The following HADH variants were observed in gnomAD, a reference collection of about 807,000 sequenced individuals.
HADH encodes the protein hydroxyacyl-coenzyme A dehydrogenase, mitochondrial.
In HADH, 24 loss-of-function variants were observed where a neutral mutation model predicts 32.2. The observed-to-expected ratio is 0.75, with a 90% CI of 0.54 to 1.05. The LOEUF is 1.05. HADH is among the 50% of genes least tolerant of loss of function. HADH has a pLI of 0.00. For missense variants in HADH, 350 were observed against 397.1 expected (o/e 0.88, Z 1.01); for synonymous variants, 139 against 152.5 (o/e 0.91, Z 0.65).
chr4:108,019,699 G>T (rs780093229), intron 4 of HADH, 33 bp downstream of exon 4: 12 of 1,612,470 alleles, frequency 7.4e-6, no homozygotes, highest in Admixed American at 5.0e-5. Context: ...GTGTCTGCCC[G>T]CTCTGCCAGC....
At chr4:108,007,851 TG>T (rs1170750085) in intron 1 of HADH, among the ~76,000 whole-genome samples, 1 of 152,216 alleles carries the variant, frequency 6.6e-6, no homozygotes, top group Non-Finnish European at 1.5e-5. Context: ...GGTTGGGCAC[TG>T]GGGTTTGTAA....
At position 107,996,261 on chromosome 4, in the gene HADH, C is replaced by T. The variant is rs1734955913; in HGVS notation, c.132+6197C>T. ...ACCCACTCATCATGGCAAACATTGT[C>T]ATATTAGTCTTCCTGGAGAGGCATT... On this transcript the variant is annotated intron_variant, in intron 1 of 7. Coordinates refer to ENST00000309522, the MANE Select transcript of HADH (RefSeq NM_005327.7). 2.6e-5 allele frequency among the ~76,000 whole-genome samples: 4 copies of T among 152,180 alleles called. No individual in the cohort carries two copies. In the South Asian group the frequency reaches 8.3e-4, roughly 31 times the overall value.
At chr4:108,020,201 G>A (rs74913271) in intron 4 of HADH, among the ~76,000 whole-genome samples, 2,978 of 152,256 alleles carry the variant, frequency 0.02, 101 homozygotes, top group African/African-American at 0.066. Flanking sequence ...TGGGTGCGGC[G>A]GCTCATGCCT....
At chr4:108,011,150 T>C (rs1224953196) in intron 2 of HADH, among the ~76,000 whole-genome samples, 1 of 152,210 alleles carries the variant, frequency 6.6e-6, no homozygotes, top group Non-Finnish European at 1.5e-5. Context: ...CCCGGCCAAC[T>C]TCATTCCTTT....
chr4:108,025,090 T>G (rs1736015982), intron 5 of HADH: 1 of 152,236 alleles, frequency 6.6e-6, no homozygotes, highest in Non-Finnish European at 1.5e-5. Context: ...CAGTCTCTGT[T>G]GCAAGTAGTC....
intron 6 of HADH, chr4:108,032,205 C>T (rs1391403763): frequency 3.3e-6 from 2 of 600,000 alleles, no homozygotes; most frequent in African/African-American, 3.6e-5. Flanking sequence ...GCAGACTATT[C>T]TACTTTTCTG....
intron 3 of HADH, among the ~76,000 whole-genome samples, chr4:108,018,188 G>A (rs1297684684): frequency 3.3e-5 from 5 of 152,136 alleles, no homozygotes; most frequent in African/African-American, 7.2e-5. Context: ...TAACGGGAGT[G>A]TGGAGCCACA....
chr4:107,999,802 A>T lies in HADH; in HGVS notation c.132+9738A>T, dbSNP rs566491729. Among the ~76,000 whole-genome samples, 5 of 152,324 alleles carry T rather than the reference A, an allele frequency of 3.3e-5. No homozygotes were observed. In the South Asian group the frequency reaches 1.0e-3, roughly 32 times the overall value. Reference sequence around the variant, plus strand: ...ATGAACAACTAATTGTAATGAAGGCACAGACAGCCTACCTGTCATATCTGG... The same window carrying T: ...ATGAACAACTAATTGTAATGAAGGCTCAGACAGCCTACCTGTCATATCTGG... On this transcript the variant is annotated intron_variant, in intron 1 of 7. Coordinates refer to ENST00000309522, the MANE Select transcript of HADH (RefSeq NM_005327.7).
At chr4:108,007,798 G>A (rs1735339495) in intron 1 of HADH, among the ~76,000 whole-genome samples, 1 of 152,160 alleles carries the variant, frequency 6.6e-6, no homozygotes, top group Non-Finnish European at 1.5e-5. Flanking sequence ...CCAGGCATCA[G>A]GTTATATGTT....
At chr4:108,023,705 A>G (rs1735969449) in intron 5 of HADH, 142 bp downstream of exon 5, 7 of 697,724 alleles carry the variant, frequency 1.0e-5, no homozygotes, top group Non-Finnish European at 1.9e-5. Context: ...GTAAAGAGCA[A>G]TCCGTGCCTC....
chr4:108,002,036 G>C (rs571290560), intron 1 of HADH, among the ~76,000 whole-genome samples: 2 of 152,130 alleles, frequency 1.3e-5, no homozygotes, highest in Non-Finnish European at 1.5e-5. Flanking sequence ...AGGCCTTTAG[G>C]AGGTGATTAG....
chr4:107,995,127 T>C (rs866826045), intron 1 of HADH, among the ~76,000 whole-genome samples: 62 of 152,150 alleles, frequency 4.1e-4, no homozygotes, highest in African/African-American at 1.3e-3. Context: ...ATAATGTGGA[T>C]GTTCTCTGTG....
intron 2 of HADH, among the ~76,000 whole-genome samples, chr4:108,011,783 A>G (rs1735502092): frequency 2.0e-5 from 3 of 152,116 alleles, no homozygotes; most frequent in African/African-American, 2.4e-5. Context: ...GAAGGTTCCA[A>G]TTTCCCCACA....
chr4:108,023,375 G>T, intron 4 of HADH, 99 bp from the exon 5 acceptor site: 1 of 753,698 alleles, frequency 1.3e-6, no homozygotes, highest in Non-Finnish European at 2.4e-6. Flanking sequence ...AACTATTTTT[G>T]TTGCCTATAT....
intron 5 of HADH, 88 bp downstream of exon 5, chr4:108,023,651 T>C (rs937092402): frequency 3.5e-6 from 3 of 851,130 alleles, no homozygotes; most frequent in Non-Finnish European, 6.2e-6. Flanking sequence ...CATAGAATGA[T>C]GTGAAAGAAG....
intron 5 of HADH, 191 bp downstream of exon 5, chr4:108,023,754 C>G: frequency 9.7e-6 from 6 of 615,900 alleles, no homozygotes; most frequent in Admixed American, 2.3e-5. Context: ...GACTCCTAAG[C>G]CATGCCTAAG....
In HADH at chr4:108,003,215, C is replaced by G. The variant is rs1735174340; in HGVS notation, c.133-6544C>G. On this transcript the variant is annotated intron_variant, in intron 1 of 7. Coordinates refer to ENST00000309522, the MANE Select transcript of HADH (RefSeq NM_005327.7). ...TTCTGGAGGCTGGGAAGTCCAAGAT[C>G]AAGGTACCAGCTTTGGTGTCTGGTG... Among the ~76,000 whole-genome samples the G allele has an allele frequency of 2.0e-5, 3 of 149,934 alleles. No homozygotes were observed. The South Asian group carries it at 6.4e-4, about 32-fold the overall frequency.
chr4:108,021,110 G>A (rs1436509879), intron 4 of HADH, among the ~76,000 whole-genome samples: 2 of 152,144 alleles, frequency 1.3e-5, no homozygotes, highest in South Asian at 4.1e-4. Context: ...GGGATTTGGG[G>A]AACAGAAGAA....
At chr4:108,033,395 C>G in intron 7 of HADH, 103 bp downstream of exon 7, 1 of 754,212 alleles carries the variant, frequency 1.3e-6, no homozygotes, top group South Asian at 1.4e-5. Context: ...TAATAAAGAC[C>G]TTCCAAAATC....
Sources: allele counts gnomAD v4.1 joint callset (sites outside exome capture counted in the v4.1 genomes callset), GRCh38; gene constraint gnomAD v4.1.1; transcripts MANE v1.5; gene names NCBI Gene and HGNC (gene_info 2026-07-23, HGNC 2026-07-21).